Variants in XPC observed in about 807,000 individuals in gnomAD.
The protein encoded by XPC is DNA repair protein complementing XP-C cells.
XPC carries 76 observed loss-of-function variants against 95.8 expected under a neutral mutation model. The ratio of observed to expected loss-of-function variants is 0.79; its 90% confidence interval spans 0.66 to 0.96. The LOEUF is 0.96. XPC is among the 40% of genes least tolerant of loss of function. The pLI is 0.00. For synonymous variants in XPC, 442 were observed against 442.1 expected, an observed-to-expected ratio of 1.00 and a Z score of 0.00; for missense variants, 1,146 against 1,179.8, an observed-to-expected ratio of 0.97 and a Z score of 0.42.
chr3:14,163,754 T>C (rs1056671911), intron 7 of XPC, among the ~76,000 whole-genome samples: 6 of 152,198 alleles, frequency 3.9e-5, no homozygotes, highest in African/African-American at 1.4e-4. Context: ...GATCCTATTT[T>C]GCTTAAACAA....
chr3:14,153,810 G>A (rs1355053866), intron 10 of XPC, among the ~76,000 whole-genome samples: 1 of 152,166 alleles, frequency 6.6e-6, no homozygotes, highest in African/African-American at 2.4e-5. Flanking sequence ...CCTTTCTACC[G>A]CACATGGTTG....
chr3:14,150,692 GA>G (rs1201149450), intron 11 of XPC, among the ~76,000 whole-genome samples: 3 of 152,212 alleles, frequency 2.0e-5, no homozygotes, highest in African/African-American at 7.2e-5. Context: ...GTACAGGGTG[GA>G]ACAGGAGCTC....
chr3:14,178,233 G>T lies in XPC; in HGVS notation c.103+233C>A, dbSNP rs574627196. Reference sequence around the variant, plus strand: ...CTGGACAACGGGGAGCGGGAAAAAAGCTACGCAGGAGCTTGGATCGGGCGA... The same window carrying T: ...CTGGACAACGGGGAGCGGGAAAAAATCTACGCAGGAGCTTGGATCGGGCGA... On this transcript the variant is annotated intron_variant, in intron 1 of 15. Transcript: ENST00000285021. 1.3e-5 allele frequency: 7 copies of T among 531,644 alleles called. No individual in the cohort carries two copies. In the Admixed American group the frequency reaches 2.7e-4, roughly 21 times the overall value. 32.9% of individuals were successfully genotyped at this position (531,644 alleles called of 1,614,324 possible).
intron 1 of XPC, among the ~76,000 whole-genome samples, chr3:14,175,570 G>A (rs1354740075): frequency 6.6e-6 from 1 of 152,116 alleles, no homozygotes; most frequent in Non-Finnish European, 1.5e-5. Context: ...AAAATAGTAG[G>A]CGCTCAATAA....
At chr3:14,149,066 AC>A in intron 11 of XPC, 118 bp from the exon 12 acceptor site, 1 of 1,406,702 alleles carries the variant, frequency 7.1e-7, no homozygotes. Flanking sequence ...GAACACACCT[AC>A]CAGCTGGGGT....
rs187558030 is a variant in XPC at position 14,167,755 on chromosome 3, C to T, written c.536+502G>A. 1.3e-3 allele frequency among the ~76,000 whole-genome samples: 205 copies of T among 152,264 alleles called. 2 individuals carry two copies. In the Middle Eastern group the frequency reaches 0.017, roughly 13 times the overall value. On this transcript the variant is annotated intron_variant, in intron 4 of 15. Coordinates refer to ENST00000285021, the MANE Select transcript of XPC (RefSeq NM_004628.5). ...CTTCTGTGCCTAGTAATGTGCCCAT[C>T]GCACATTGGAATTCCCAAGCCATCA...
At chr3:14,178,303 G>A in intron 1 of XPC, 163 bp downstream of exon 1, 1 of 757,112 alleles carries the variant, frequency 1.3e-6, no homozygotes, top group Non-Finnish European at 2.0e-6. Flanking sequence ...AAGACGCGGG[G>A]ACAGCGGGGA....
chr3:14,147,483 TTAGAA>T, intron 14 of XPC, 104 bp from the exon 15 acceptor site: 2 of 1,095,300 alleles, frequency 1.8e-6, no homozygotes. Context: ...ATACACCACT[TTAGAA>T]TATAGCCTCT....
rs779889148 is a variant in XPC, at chr3:14,158,611, C to T, written c.1272G>A (p.Val424=). 1 of 1,613,840 alleles carries T rather than the reference C, an allele frequency of 6.2e-7. No homozygotes were observed. The highest frequency in any genetic ancestry group is 1.1e-5 in the South Asian group (1 of 91,076). ...QRRPHGRERR[V]ASRVSYKEES... Reference sequence around the variant, plus strand: ...CCTCTTTATAAGACACCCTGGAGGCCACCCGCCGCTCCCGGCCATGCGGAC... The same window carrying T: ...CCTCTTTATAAGACACCCTGGAGGCTACCCGCCGCTCCCGGCCATGCGGAC... The change falls in exon 9 of 16, where the codon GTG becomes GTA. Residue 424 remains valine, a synonymous_variant. Transcript: ENST00000285021. This position sits in a 1 kb window ranked among gnomAD's most constrained non-coding sequence, Gnocchi z 5.2.
In XPC at chr3:14,145,520, A is replaced by G. The variant is rs1695382871; in HGVS notation, c.*421T>C. ...CGAGGCGAGTGAACTTGTCGGACAGATGAAGACTCTAACTGGAAGAAACGA... is the reference window on the plus strand; with the variant it reads ...CGAGGCGAGTGAACTTGTCGGACAGGTGAAGACTCTAACTGGAAGAAACGA... On this transcript the variant is annotated 3_prime_UTR_variant, in exon 16 of 16. Coordinates refer to ENST00000285021, the MANE Select transcript of XPC (RefSeq NM_004628.5). 1 of 699,956 alleles carries G rather than the reference A, an allele frequency of 1.4e-6. No homozygotes were observed. The allele number at this position is 699,956 out of a possible 1,614,324, so 43.4% of individuals were successfully genotyped here.
intron 3 of XPC, 44 bp downstream of exon 3, chr3:14,170,390 AAAAC>A (rs1696560694): frequency 1.3e-6 from 2 of 1,583,342 alleles, no homozygotes; most frequent in Non-Finnish European, 1.7e-6. Flanking sequence ...ATCAAACAAA[AAAAC>A]AAACAGAACC....
In XPC at chr3:14,165,475, C is replaced by A. The variant is rs1696338643; in HGVS notation, c.732G>T (p.Val244=). The A allele has an allele frequency of 6.2e-7, 1 of 1,604,970 alleles. No homozygotes were observed. Among genetic ancestry groups the A allele is most frequent in the Non-Finnish European group, 8.5e-7 (1 of 1,175,692 alleles). The change falls in exon 6 of 16, where the codon GTG becomes GTT. Residue 244 remains valine, a synonymous_variant. Transcript: ENST00000285021. ...LSIIPARFTR[V]LPRDVDTYYL... is the part of the protein sequence containing the mutation. Reference sequence around the variant, plus strand: ...AGTAGGTGTCCACATCTCGAGGCAGCACTCTGGTAAAGCGGGCTGGGATGA... The same window carrying A: ...AGTAGGTGTCCACATCTCGAGGCAGAACTCTGGTAAAGCGGGCTGGGATGA...
At chr3:14,178,306 A>T in intron 1 of XPC, 160 bp downstream of exon 1, 3 of 779,680 alleles carry the variant, frequency 3.8e-6, no homozygotes, top group Non-Finnish European at 5.7e-6. Flanking sequence ...ACGCGGGGAC[A>T]GCGGGGAGGG....
At position 14,158,830 on chromosome 3, in the gene XPC, G is replaced by A. The variant is rs1225205172; in HGVS notation, c.1053C>T (p.Ser351=). The A allele has an allele frequency of 5.6e-6, 9 of 1,613,810 alleles. No individual in the cohort carries two copies. In the African/African-American group the frequency reaches 8.0e-5, roughly 14 times the overall value. The change falls in exon 9 of 16, where the codon AGC becomes AGT. Residue 351 remains serine, a synonymous_variant. Transcript: ENST00000285021. This position sits in a 1 kb window ranked among gnomAD's most constrained non-coding sequence, Gnocchi z 5.2. ...GTTTGGTGTGGTTTTCTAGAACTTG[G>A]CTGGAAGTTTCTGAGGAGCCTCCTG... ...ADPGGSSETS[S]QVLENHTKPK... is the part of the protein sequence containing the mutation.
In XPC at chr3:14,158,947, T is replaced by C; in HGVS notation, c.991-55A>G. 1.2e-6 allele frequency: 2 copies of C among 1,607,194 alleles called. No individual in the cohort carries two copies. The highest frequency in any genetic ancestry group is 8.5e-7 in the Non-Finnish European group (1 of 1,177,702). ...TTTCTCCCCCCTCTTTTGCTAATGA[T>C]ATGATAGAAATCCTGTAATCTAATA... On this transcript the variant is annotated intron_variant, in intron 8 of 15. Coordinates refer to ENST00000285021, the MANE Select transcript of XPC (RefSeq NM_004628.5). This position sits in a 1 kb window ranked among gnomAD's most constrained non-coding sequence, Gnocchi z 5.2.
chr3:14,178,512 C>T lies in XPC; in HGVS notation c.57G>A (p.Gln19=). 1 of 1,612,846 alleles carries T rather than the reference C, an allele frequency of 6.2e-7. No homozygotes were observed. Among genetic ancestry groups the T allele is most frequent in the Non-Finnish European group, 8.5e-7 (1 of 1,179,504 alleles). Residue 19 remains glutamine (Q), a synonymous_variant, in exon 1 of 16, where the codon CAG becomes CAA. Transcript: ENST00000285021. ...GGGCCTTGCTCTTGGCCTTGGATTTCTGGCTGCGCAGTTCGCGTCCCCGCG... is the reference window on the plus strand; with the variant it reads ...GGGCCTTGCTCTTGGCCTTGGATTTTTGGCTGCGCAGTTCGCGTCCCCGCG... ...GEPRGRELRS[Q]KSKAKSKARR...
At chr3:14,149,057 A>G in intron 11 of XPC, 109 bp from the exon 12 acceptor site, 1 of 1,477,644 alleles carries the variant, frequency 6.8e-7, no homozygotes, top group Non-Finnish European at 9.2e-7. Context: ...GAACCCTCAG[A>G]ACACACCTAC....
intron 9 of XPC, 25 bp downstream of exon 9, chr3:14,157,986 G>C (rs2125024474): frequency 6.3e-7 from 1 of 1,575,656 alleles, no homozygotes; most frequent in Non-Finnish European, 8.6e-7. Context: ...CTGTGTCTTG[G>C]AGCCCCTGGC....
chr3:14,171,866 G>T (rs1696629681), intron 2 of XPC, among the ~76,000 whole-genome samples: 1 of 152,120 alleles, frequency 6.6e-6, no homozygotes, highest in African/African-American at 2.4e-5. Flanking sequence ...GACGGGAAGG[G>T]AAGTCTAGAG....
Sources: gnomAD v4.1 joint callset for allele counts (sites outside exome capture counted in the v4.1 genomes callset) on GRCh38, gnomAD v4.1.1 for gene constraint, Gnocchi (gnomAD v3.1) non-coding constraint, MANE v1.5 for transcripts, NCBI Gene and HGNC (gene_info 2026-07-23, HGNC 2026-07-21) for gene names.